The following MGAM variants were observed in gnomAD, a reference collection of about 807,000 sequenced individuals.
MGAM encodes the protein maltase-glucoamylase, also known as alpha-1,4-glucosidase.
MGAM carries 253 observed loss-of-function variants against 358.8 expected under a neutral mutation model. The observed-to-expected ratio is 0.71, with a 90% CI of 0.64 to 0.78. The LOEUF (loss-of-function observed/expected upper bound fraction) is 0.78, where lower values mean the gene tolerates loss of function less well. Among genes scored for constraint, MGAM ranks in the 30% least tolerant of loss-of-function variants. The pLI is 0.00. For synonymous variants in MGAM, 1,105 were observed against 1,227.1 expected (o/e 0.90, Z 2.08); for missense variants, 3,080 against 3,432.6 (o/e 0.90, Z 2.57).
At chr7:142,076,117 G>A in intron 45 of MGAM, 86 bp from the exon 46 acceptor site, 2 of 1,038,498 alleles carry the variant, frequency 1.9e-6, no homozygotes, top group South Asian at 2.6e-5. Context: ...GTGACATCAG[G>A]ATGTAACTGA....
chr7:142,103,329 C>T lies in MGAM; in HGVS notation c.8074C>T (p.Leu2692=). Residue 2692 remains leucine (L), a synonymous_variant, in exon 70 of 71, where the codon CTG becomes TTG. Coordinates refer to ENST00000475668, the MANE Select transcript of MGAM (RefSeq NM_001365693.1). Reference sequence around the variant, plus strand: ...CATCACTGGTACAAATCCTTTGAAACTGGGCTACATTGAAATCTGGGGAGT... The same window carrying T: ...CATCACTGGTACAAATCCTTTGAAATTGGGCTACATTGAAATCTGGGGAGT... ...NYITGTNPLK[L]GYIEIWGVGS... is the part of the protein sequence containing the mutation. 6.2e-7 allele frequency: 1 copy of T among 1,613,000 alleles called. No individual in the cohort carries two copies. Among genetic ancestry groups the T allele is most frequent in the Non-Finnish European group, 8.5e-7 (1 of 1,179,388 alleles).
intron 42 of MGAM, among the ~76,000 whole-genome samples, chr7:142,068,103 T>C (rs1813002325): frequency 8.0e-6 from 1 of 124,274 alleles, no homozygotes; most frequent in African/African-American, 2.6e-5. Context: ...TCTCTTGCCT[T>C]AGCCTCTTGA....
chr7:142,080,089 G>A (rs1278643438), intron 49 of MGAM, among the ~76,000 whole-genome samples: 1 of 146,326 alleles, frequency 6.8e-6, no homozygotes, highest in Admixed American at 6.9e-5. Context: ...TCTGTGTTTG[G>A]TTAATGACTA....
At chr7:142,061,207 T>C (rs1812164435) in intron 34 of MGAM, among the ~76,000 whole-genome samples, 1 of 152,154 alleles carries the variant, frequency 6.6e-6, no homozygotes, top group Admixed American at 6.5e-5. Flanking sequence ...AGTTCCTACC[T>C]CACGGCTGGC....
intron 21 of MGAM, among the ~76,000 whole-genome samples, chr7:142,042,095 TATATAC>T (rs1478187969): frequency 2.6e-5 from 2 of 76,372 alleles, no homozygotes; most frequent in African/African-American, 1.1e-4. Context: ...TAACATATAA[TATATAC>T]ATATAATATA....
intron 9 of MGAM, 94 bp from the exon 10 acceptor site, chr7:142,027,516 A>G: frequency 7.4e-7 from 1 of 1,345,590 alleles, no homozygotes; most frequent in Non-Finnish European, 1.0e-6. Context: ...GCATTGGGAA[A>G]TGGACTATGT....
At chr7:142,040,594 T>C in intron 20 of MGAM, 128 bp from the exon 21 acceptor site, 9 of 1,235,604 alleles carry the variant, frequency 7.3e-6, no homozygotes, top group Non-Finnish European at 1.0e-5. Context: ...TGTTGTTTGA[T>C]TGCCTGGCTA....
Position 142,063,567 on chromosome 7 carries a change from C to T in MGAM, c.4326C>T (p.Asn1442=), listed in dbSNP as rs754239584. The change falls in exon 36 of 71, where the codon AAC becomes AAT. Residue 1442 remains asparagine (N), a synonymous_variant. Transcript: ENST00000475668. Reference sequence around the variant, plus strand: ...CAGGCTGCAGGGACGCCTCTCTGAACCACCCTCCCTACATGCCACGTAAGA... The same window carrying T: ...CAGGCTGCAGGGACGCCTCTCTGAATCACCCTCCCTACATGCCACGTAAGA... ...VSPGCRDASL[N]HPPYMPHLES... is the part of the protein sequence containing the mutation. 1.7e-5 allele frequency: 28 copies of T among 1,613,528 alleles called. No homozygotes were observed. The South Asian group carries it at 3.1e-4, about 18-fold the overall frequency.
At chr7:142,088,810 CT>C in intron 57 of MGAM, among the ~76,000 whole-genome samples, 1 of 118,094 alleles carries the variant, frequency 8.5e-6, no homozygotes, top group South Asian at 2.9e-4. Context: ...TCATTCTATC[CT>C]ATCTATGTAC....
chr7:142,022,197 G>C (rs1040239883), intron 6 of MGAM, 71 bp from the exon 7 acceptor site: 1 of 1,407,184 alleles, frequency 7.1e-7, no homozygotes, highest in East Asian at 2.4e-5. Context: ...TATAAAGGAC[G>C]CTTTTCTAAG....
Position 142,034,721 on chromosome 7 carries a change from T to G in MGAM, c.1839T>G (p.Ser613=). 1 of 1,613,650 alleles carries G rather than the reference T, an allele frequency of 6.2e-7. No homozygotes were observed. The highest frequency in any genetic ancestry group is 8.5e-7 in the Non-Finnish European group (1 of 1,179,666). ...AGAGAAGCTTCATTCTGACCCGTTC[T>G]ACCTTTGCGGGCTCTGGCAAGTTTG... ...PNKRSFILTR[S]TFAGSGKFAA... The change falls in exon 16 of 71, where the codon TCT becomes TCG. Residue 613 remains serine (S), a synonymous_variant. Coordinates refer to ENST00000475668, the MANE Select transcript of MGAM (RefSeq NM_001365693.1).
At chr7:142,012,949 C>T (rs1432064128) in intron 3 of MGAM, among the ~76,000 whole-genome samples, 4 of 152,112 alleles carry the variant, frequency 2.6e-5, no homozygotes, top group African/African-American at 9.7e-5. Context: ...CAAAAGCTTC[C>T]AGTTCTCTTA....
intron 21 of MGAM, among the ~76,000 whole-genome samples, chr7:142,046,459 C>G (rs1026581128): frequency 3.3e-5 from 5 of 151,976 alleles, no homozygotes; most frequent in African/African-American, 1.2e-4. Context: ...TTGCTTCCAA[C>G]TGGCATTATG....
At chr7:142,029,311 G>C (rs1807252917) in intron 10 of MGAM, among the ~76,000 whole-genome samples, 2 of 151,990 alleles carry the variant, frequency 1.3e-5, no homozygotes, top group Non-Finnish European at 2.9e-5. Flanking sequence ...AGTGAGCTGA[G>C]ATCGTGCCAC....
At chr7:142,053,195 G>T (rs917682570) in intron 26 of MGAM, among the ~76,000 whole-genome samples, 2 of 152,114 alleles carry the variant, frequency 1.3e-5, no homozygotes, top group African/African-American at 4.8e-5. Context: ...TTAGGAAAAT[G>T]GTTGGGAGAG....
At position 142,080,718 on chromosome 7, in the gene MGAM, T is replaced by C. The variant is rs912143559; in HGVS notation, c.5848-73T>C. The C allele has an allele frequency of 7.0e-5, 92 of 1,322,122 alleles. 10 individuals carry two copies. In the Middle Eastern group the frequency reaches 9.4e-4, roughly 14 times the overall value. The allele number at this position is 1,322,122 out of a possible 1,614,324, so 81.9% of individuals were successfully genotyped here. A position where few individuals can be genotyped will look rare whatever the true frequency, so the allele number is the denominator to read the frequency against. ...TAGCATCTGAACTTTTGTCCAAAAA[T>C]CAAAAAGGTTCTGCTAAGGGTATAG... On this transcript the variant is annotated intron_variant, in intron 49 of 70. Transcript: ENST00000475668.
intron 22 of MGAM, 117 bp from the exon 23 acceptor site, chr7:142,050,118 G>A (rs1160564760): frequency 3.3e-6 from 3 of 904,222 alleles, no homozygotes; most frequent in Admixed American, 4.1e-5. Context: ...TCATCCATAA[G>A]GAAAAGGAAA....
intron 3 of MGAM, among the ~76,000 whole-genome samples, chr7:142,012,550 A>T (rs2128988593): frequency 6.6e-6 from 1 of 152,190 alleles, no homozygotes; most frequent in East Asian, 1.9e-4. Context: ...TAAGTCTTCT[A>T]TTTTCTTAGA....
At position 142,040,785 on chromosome 7, in the gene MGAM, C is replaced by T; in HGVS notation, c.2437C>T (p.Leu813Phe). Residue 813 changes from leucine (L) to phenylalanine (F), a missense_variant, in exon 21 of 71, where the codon CTT becomes TTT. Leu to Phe is a conservative substitution (Grantham distance 22). Around this residue, in one of 5 missense-constraint regions of MGAM, gnomAD observed 1,816 missense variants for 1,840.5 expected, o/e 0.99. Coordinates refer to ENST00000475668, the MANE Select transcript of MGAM (RefSeq NM_001365693.1). ...GGAACTTCCTGGAGACAAAATTGGA[C>T]TTCACCTTCGAGGAGGCTACATCTT... ...EMELPGDKIG[L>F]HLRGGYIFPT... 6.2e-7 allele frequency: 1 copy of T among 1,613,342 alleles called. No individual in the cohort carries two copies. Among genetic ancestry groups the T allele is most frequent in the Non-Finnish European group, 8.5e-7 (1 of 1,179,522 alleles).
Sources: gnomAD v4.1 joint callset for allele counts (sites outside exome capture counted in the v4.1 genomes callset) on GRCh38, gnomAD v4.1.1 for gene constraint, gnomAD v4.1.1 regional missense constraint, MANE v1.5 for transcripts, NCBI Gene and HGNC (gene_info 2026-07-23, HGNC 2026-07-21) for gene names.